MRO: variants seen among roughly 807,000 people sequenced by gnomAD.
MRO encodes maestro.
A neutral mutation model predicts 31.0 loss-of-function variants in MRO; 28 were observed. The ratio of observed to expected loss-of-function variants is 0.90; its 90% confidence interval spans 0.67 to 1.24. The LOEUF is 1.24. Among genes scored for constraint, MRO ranks in the 50% most tolerant of loss-of-function variants. The probability of loss-of-function intolerance (pLI) is 0.00; values close to 1 mark genes in which losing one functional copy is unlikely to be tolerated. For synonymous variants in MRO, 108 were observed against 108.4 expected, an observed-to-expected ratio of 1.00 and a Z score of 0.02; for missense variants, 332 against 289.2, an observed-to-expected ratio of 1.15 and a Z score of -1.07.
rs746259973 is a variant in MRO at position 50,819,579 on chromosome 18, ACCTGCGGCT to A, written c.-12_-5+1del. 7 of 1,551,600 alleles carry A rather than the reference ACCTGCGGCT, an allele frequency of 4.5e-6. No individual in the cohort carries two copies. The South Asian group carries it at 8.3e-5, about 18-fold the overall frequency. Reference sequence around the variant, plus strand: ...GCTGCCCCGGCCAACAGTGTCCCTTACCTGCGGCTCCTGCAGGCGGCTGCCACGTGATGA... The same window carrying A: ...GCTGCCCCGGCCAACAGTGTCCCTTACCTGCAGGCGGCTGCCACGTGATGA... On this transcript the variant is annotated splice_donor_variant and 5_prime_UTR_variant, in exon 2 of 8. Transcript: ENST00000398439. LOFTEE classifies it low-confidence loss of function (5UTR_SPLICE).
rs1046783910 is a variant in MRO, at chr18:50,798,692, G to A, written c.*645C>T. On this transcript the variant is annotated 3_prime_UTR_variant, in exon 8 of 8. Coordinates refer to ENST00000398439, the MANE Select transcript of MRO (RefSeq NM_031939.6). Reference sequence around the variant, plus strand: ...CGGTGTTACCTACTATTGTTATCCCGTAAGTTATCATGAGCCTGAGGATTT... The same window carrying A: ...CGGTGTTACCTACTATTGTTATCCCATAAGTTATCATGAGCCTGAGGATTT... The A allele has an allele frequency of 1.6e-4, 25 of 152,172 alleles. No homozygotes were observed. The highest frequency in any genetic ancestry group is 3.3e-4 in the Admixed American group (5 of 15,284). The allele number at this position is 152,172 out of a possible 1,614,324, so 9.4% of individuals were successfully genotyped here.
chr18:50,820,323 A>G (rs964506482), upstream of MRO, among the ~76,000 whole-genome samples: 2 of 152,216 alleles, frequency 1.3e-5, no homozygotes, highest in Admixed American at 6.5e-5. Context: ...TAAGCTCTCA[A>G]AATGATTTAT....
chr18:50,815,119 G>A (rs113570377), intron 2 of MRO: 4,094 of 221,406 alleles, frequency 0.018, 80 homozygotes, highest in African/African-American at 0.061. Context: ...AAAACAGAGA[G>A]GATTTGCTCT....
At chr18:50,803,343 C>T (rs1913587675) in intron 5 of MRO, among the ~76,000 whole-genome samples, 1 of 151,862 alleles carries the variant, frequency 6.6e-6, no homozygotes, top group African/African-American at 2.4e-5. Context: ...CCTATCTCTA[C>T]AAAAACTACG....
At chr18:50,802,918 T>A (rs200155042) in intron 5 of MRO, among the ~76,000 whole-genome samples, 1 of 96,244 alleles carries the variant, frequency 1.0e-5, no homozygotes, top group Non-Finnish European at 2.5e-5. Context: ...GTGTGTGTAG[T>A]GTGTGTGTGT....
chr18:50,809,320 C>G lies in MRO; in HGVS notation c.81G>C (p.Met27Ile), dbSNP rs771686284. The G allele has an allele frequency of 1.1e-5, 17 of 1,612,892 alleles. No homozygotes were observed. Among genetic ancestry groups the G allele is most frequent in the Middle Eastern group, 1.6e-4 (1 of 6,078 alleles). The change falls in exon 3 of 8, where the codon ATG becomes ATC. Residue 27 changes from methionine (M) to isoleucine (I), a missense_variant. Met to Ile is a conservative substitution (Grantham distance 10, BLOSUM62 1). Coordinates refer to ENST00000398439, the MANE Select transcript of MRO (RefSeq NM_031939.6). ...GTCAGACCTTGGAAAAGAAAGATATCATTGATGTCCTTTTCTGCTTGGGCT... is the reference window on the plus strand; with the variant it reads ...GTCAGACCTTGGAAAAGAAAGATATGATTGATGTCCTTTTCTGCTTGGGCT... Reference protein sequence around the residue: ...TSQPKQKRTSMISFFSKVSWK... With the variant: ...TSQPKQKRTSIISFFSKVSWK...
At chr18:50,808,605 T>C (rs1012084182) in intron 3 of MRO, among the ~76,000 whole-genome samples, 2 of 151,624 alleles carry the variant, frequency 1.3e-5, no homozygotes, top group Non-Finnish European at 1.5e-5. Flanking sequence ...TACAGGTGCA[T>C]GCCACCATGC....
At chr18:50,800,250 A>T (rs1455875143) in intron 6 of MRO, 107 bp from the exon 7 acceptor site, 2 of 696,248 alleles carry the variant, frequency 2.9e-6, no homozygotes, top group Non-Finnish European at 4.6e-6. Context: ...GGGCCCACTG[A>T]AAGTGTGAAA....
In MRO at chr18:50,799,300, T is replaced by A; in HGVS notation, c.*37A>T. Reference sequence around the variant, plus strand: ...ACAGGGGAACATGATGGCTCAGCAATGCACTCATACAGAACCATTTCCCTG... The same window carrying A: ...ACAGGGGAACATGATGGCTCAGCAAAGCACTCATACAGAACCATTTCCCTG... On this transcript the variant is annotated 3_prime_UTR_variant, in exon 8 of 8. Coordinates refer to ENST00000398439, the MANE Select transcript of MRO (RefSeq NM_031939.6). 6.4e-7 allele frequency: 1 copy of A among 1,559,700 alleles called. No individual in the cohort carries two copies. The highest frequency in any genetic ancestry group is 8.8e-7 in the Non-Finnish European group (1 of 1,130,396).
rs77473239 is a variant in MRO, at chr18:50,801,231, C to T, written c.585+118G>A. ...CTTGTCAAGGATGCACACAGAAACGCTGCTAAGTATCTACAGCAGTGCTGG... is the reference window on the plus strand; with the variant it reads ...CTTGTCAAGGATGCACACAGAAACGTTGCTAAGTATCTACAGCAGTGCTGG... On this transcript the variant is annotated intron_variant, in intron 6 of 7. Transcript: ENST00000398439. 935 of 837,914 alleles carry T rather than the reference C, an allele frequency of 1.1e-3. 7 individuals are homozygous for T. In the African/African-American group the frequency reaches 0.014, roughly 13 times the overall value. 51.9% of individuals were successfully genotyped at this position (837,914 alleles called of 1,614,324 possible). A position where few individuals can be genotyped will look rare whatever the true frequency, so the allele number is the denominator to read the frequency against.
Position 50,819,709 on chromosome 18 carries a change from T to C in MRO, c.-126-7A>G. ...TTTTCCCAGCCCTGAATTCCTAACATACAAGAAGGGAAATTAGGAGGTGAC... is the reference window on the plus strand; with the variant it reads ...TTTTCCCAGCCCTGAATTCCTAACACACAAGAAGGGAAATTAGGAGGTGAC... On this transcript the variant is annotated splice_region_variant and splice_polypyrimidine_tract_variant and intron_variant, in intron 1 of 7. Coordinates refer to ENST00000398439, the MANE Select transcript of MRO (RefSeq NM_031939.6). 1.9e-6 allele frequency: 3 copies of C among 1,549,134 alleles called. No homozygotes were observed. The highest frequency in any genetic ancestry group is 2.4e-5 in the South Asian group (2 of 83,826).
intron 5 of MRO, among the ~76,000 whole-genome samples, chr18:50,803,872 T>C (rs1913652464): frequency 6.6e-6 from 1 of 152,264 alleles, no homozygotes; most frequent in African/African-American, 2.4e-5. Flanking sequence ...GTCTGTTCGC[T>C]GTTCTGTAGG....
chr18:50,816,358 T>C (rs1914920503), intron 2 of MRO, among the ~76,000 whole-genome samples: 1 of 152,228 alleles, frequency 6.6e-6, no homozygotes, highest in African/African-American at 2.4e-5. Flanking sequence ...TTCTTTTCAT[T>C]ACATCAGGTA....
intron 2 of MRO, among the ~76,000 whole-genome samples, chr18:50,811,557 A>G (rs550679003): frequency 1.1e-3 from 175 of 152,238 alleles, no homozygotes; most frequent in Admixed American, 2.4e-3. Flanking sequence ...ATGGCTGAAT[A>G]GTATTCAATT....
intron 5 of MRO, among the ~76,000 whole-genome samples, chr18:50,804,584 C>T (rs1029923814): frequency 1.3e-5 from 2 of 151,220 alleles, no homozygotes; most frequent in African/African-American, 2.4e-5. Context: ...CGAGATCACA[C>T]CATTGCACTC....
chr18:50,801,245 C>A, intron 6 of MRO, 104 bp downstream of exon 6: 1 of 979,012 alleles, frequency 1.0e-6, no homozygotes, highest in South Asian at 1.9e-5. Context: ...TAAGTATCTA[C>A]AGCAGTGCTG....
intron 2 of MRO, chr18:50,816,011 G>C (rs184923707): frequency 8.5e-5 from 13 of 153,034 alleles, no homozygotes; most frequent in Admixed American, 5.9e-4. Flanking sequence ...TCCAGCATGG[G>C]GGGTAGAGTG....
Position 50,796,861 on chromosome 18 carries a change from G to C in MRO, c.*2476C>G, listed in dbSNP as rs1307162256. 1 of 152,160 alleles carries C rather than the reference G, an allele frequency of 6.6e-6. No individual in the cohort carries two copies. Among genetic ancestry groups the C allele is most frequent in the African/African-American group, 2.4e-5 (1 of 41,430 alleles). The allele number at this position is 152,160 out of a possible 1,614,324, so 9.4% of individuals were successfully genotyped here. A position where few individuals can be genotyped will look rare whatever the true frequency, so the allele number is the denominator to read the frequency against. On this transcript the variant is annotated 3_prime_UTR_variant, in exon 8 of 8. Transcript: ENST00000398439. ...ATCACATGGCCAGGCTCTGTGGTAG[G>C]TATGGTGAGAAACAGAAACAAACAA... is the stretch of plus-strand genomic sequence containing the variant.
chr18:50,809,879 T>C (rs1294972798), intron 2 of MRO, among the ~76,000 whole-genome samples: 1 of 152,240 alleles, frequency 6.6e-6, no homozygotes, highest in African/African-American at 2.4e-5. Context: ...GAACACATCA[T>C]ATGTTCAAAG....
Sources: gnomAD v4.1 joint callset for allele counts (sites outside exome capture counted in the v4.1 genomes callset) on GRCh38, gnomAD v4.1.1 for gene constraint, MANE v1.5 for transcripts, NCBI Gene and HGNC (gene_info 2026-07-23, HGNC 2026-07-21) for gene names.